The following IL4R variants were observed in gnomAD, a reference collection of about 807,000 sequenced individuals.
The protein encoded by IL4R is interleukin 4 receptor, also known as interleukin-4 receptor subunit alpha.
Under a neutral mutation model 41.5 loss-of-function variants are expected in IL4R, and 17 were observed. That is an observed-to-expected ratio of 0.41 (90% CI 0.28 to 0.61). The LOEUF (loss-of-function observed/expected upper bound fraction) is 0.61, where lower values mean the gene tolerates loss of function less well. IL4R is among the 20% of genes least tolerant of loss of function. The probability of loss-of-function intolerance (pLI) is 0.31; values close to 1 mark genes in which losing one functional copy is unlikely to be tolerated. For missense variants in IL4R, 974 were observed against 1,043.1 expected, an observed-to-expected ratio of 0.93 and a Z score of 0.91; for synonymous variants, 402 against 422.9, an observed-to-expected ratio of 0.95 and a Z score of 0.61.
At chr16:27,323,868 A>C (rs1468813977) in intron 1 of IL4R, among the ~76,000 whole-genome samples, 1 of 152,102 alleles carries the variant, frequency 6.6e-6, no homozygotes, top group Non-Finnish European at 1.5e-5. Flanking sequence ...CATGTTACCC[A>C]GGCTGGTCTT....
chr16:27,314,463 G>A (rs2084571109), intron 1 of IL4R, among the ~76,000 whole-genome samples: 1 of 152,264 alleles, frequency 6.6e-6, no homozygotes, highest in Non-Finnish European at 1.5e-5. Context: ...GTGAATCGGG[G>A]CGGTCTCCGC....
At chr16:27,357,086 CTCT>C (rs1227411290) in intron 8 of IL4R, among the ~76,000 whole-genome samples, 4 of 152,150 alleles carry the variant, frequency 2.6e-5, no homozygotes, top group African/African-American at 9.7e-5. Context: ...AAAGTGCCCA[CTCT>C]TGGCCCAGCA....
chr16:27,314,199 C>A, intron 1 of IL4R, 179 bp downstream of exon 1: 1 of 807,420 alleles, frequency 1.2e-6, no homozygotes. Flanking sequence ...TCCGTCCTTG[C>A]CGCCGAACGG....
rs983348086 is a variant in IL4R at position 27,325,855 on chromosome 16, A to T, written c.-151-4211A>T. Reference sequence around the variant, plus strand: ...CGCCTGCTAACAGCCTCCTCTGCTAATCTGAAGTCCTGCAGCTTGCCCAGC... The same window carrying T: ...CGCCTGCTAACAGCCTCCTCTGCTATTCTGAAGTCCTGCAGCTTGCCCAGC... On this transcript the variant is annotated intron_variant, in intron 1 of 10. Transcript: ENST00000395762. Among the ~76,000 whole-genome samples the T allele has an allele frequency of 2.6e-5, 4 of 152,060 alleles. 1 individual carries two copies. Among genetic ancestry groups the T allele is most frequent in the Admixed American group, 1.3e-4 (2 of 15,254 alleles).
In IL4R at chr16:27,342,352, A is replaced by G. The variant is rs143556714; in HGVS notation, c.209+93A>G. 2.2e-4 allele frequency: 320 copies of G among 1,463,390 alleles called. 1 individual carries two copies. The African/African-American group carries it at 3.9e-3, about 18-fold the overall frequency. 90.7% of individuals were successfully genotyped at this position (1,463,390 alleles called of 1,614,324 possible). ...GGGTCCAGGTGGTGCGCTGGAGTGC[A>G]GGATGCTGAGTATGGTTTGCTGCTG... On this transcript the variant is annotated intron_variant, in intron 4 of 10. Coordinates refer to ENST00000395762, the MANE Select transcript of IL4R (RefSeq NM_000418.4).
intron 7 of IL4R, 108 bp from the exon 8 acceptor site, chr16:27,355,700 T>G: frequency 1.4e-6 from 1 of 710,202 alleles, no homozygotes; most frequent in Non-Finnish European, 2.5e-6. Context: ...GGTCAGATCG[T>G]GGAGGGTCTC....
At chr16:27,343,012 T>C (rs2141136790) in intron 4 of IL4R, among the ~76,000 whole-genome samples, 1 of 152,298 alleles carries the variant, frequency 6.6e-6, no homozygotes, top group East Asian at 1.9e-4. Flanking sequence ...AGACCCTTGA[T>C]TGAGGAGTAC....
intron 1 of IL4R, among the ~76,000 whole-genome samples, chr16:27,316,096 G>A (rs543034397): frequency 7.9e-5 from 12 of 152,312 alleles, no homozygotes; most frequent in Admixed American, 6.5e-4. Context: ...CAAGCTGGGC[G>A]CAGTGACTCA....
intron 1 of IL4R, among the ~76,000 whole-genome samples, chr16:27,322,041 G>T (rs1333754237): frequency 6.6e-6 from 1 of 150,414 alleles, no homozygotes; most frequent in African/African-American, 2.4e-5. Context: ...TAAGGTTCTA[G>T]AAATGTATCT....
At chr16:27,316,424 A>G (rs549791309) in intron 1 of IL4R, among the ~76,000 whole-genome samples, 160 of 152,210 alleles carry the variant, frequency 1.1e-3, no homozygotes, top group African/African-American at 3.7e-3. Context: ...TACCTCCCCC[A>G]TCTCCCTGCC....
At chr16:27,361,609 T>A (rs2086286948) in intron 10 of IL4R, among the ~76,000 whole-genome samples, 1 of 122,904 alleles carries the variant, frequency 8.1e-6, no homozygotes, top group Non-Finnish European at 1.6e-5. Flanking sequence ...GGATCCCGCA[T>A]CTTTTTTTTT....
chr16:27,351,590 C>T (rs1004091356), intron 6 of IL4R, among the ~76,000 whole-genome samples: 7 of 150,904 alleles, frequency 4.6e-5, no homozygotes, highest in Non-Finnish European at 1.0e-4. Flanking sequence ...TCTCAGCTTA[C>T]CACAATCTCT....
intron 2 of IL4R, among the ~76,000 whole-genome samples, chr16:27,336,381 C>T (rs1006969481): frequency 1.3e-5 from 2 of 152,054 alleles, no homozygotes; most frequent in East Asian, 3.9e-4. Flanking sequence ...GAAAAGCACG[C>T]GTAAGGGAGG....
chr16:27,338,832 T>C (rs927632166), intron 2 of IL4R, among the ~76,000 whole-genome samples: 4 of 152,138 alleles, frequency 2.6e-5, no homozygotes, highest in East Asian at 1.9e-4. Context: ...TCCAGAACTA[T>C]GCATTAGAAA....
rs2086410576 is a variant in IL4R, at chr16:27,363,989, C to G, written c.*159C>G. On this transcript the variant is annotated 3_prime_UTR_variant, in exon 11 of 11. Transcript: ENST00000395762. ...TGGCCCCACTGACGTTGGCCTAACA[C>G]TGGGCTGCAGAGACTGGACCCCGCC... 1.2e-6 allele frequency: 1 copy of G among 831,878 alleles called. No individual in the cohort carries two copies. Among genetic ancestry groups the G allele is most frequent in the Non-Finnish European group, 1.9e-6 (1 of 534,034 alleles). The allele number at this position is 831,878 out of a possible 1,614,324, so 51.5% of individuals were successfully genotyped here. A position where few individuals can be genotyped will look rare whatever the true frequency, so the allele number is the denominator to read the frequency against.
At chr16:27,338,426 C>T (rs912187633) in intron 2 of IL4R, among the ~76,000 whole-genome samples, 3 of 151,792 alleles carry the variant, frequency 2.0e-5, no homozygotes, top group Non-Finnish European at 2.9e-5. Context: ...ACTCTGTTGC[C>T]CAGGCTGGTC....
At position 27,363,086 on chromosome 16, in the gene IL4R, T is replaced by C. The variant is rs2086361986; in HGVS notation, c.1734T>C (p.Phe578=). The change falls in exon 11 of 11, where the codon TTT becomes TTC. Residue 578 remains phenylalanine (F), a synonymous_variant. Transcript: ENST00000395762. The stretch of plus-strand genomic sequence containing the variant: ...CCCCCACCAGTGGCTATCAGGAGTT[T>C]GTACATGCGGTGGAGCAGGGTGGCA... ...VSAPTSGYQE[F]VHAVEQGGTQ... 6 of 1,614,090 alleles carry C rather than the reference T, an allele frequency of 3.7e-6. No individual in the cohort carries two copies. The highest frequency in any genetic ancestry group is 5.1e-6 in the Non-Finnish European group (6 of 1,180,038).
intron 3 of IL4R, among the ~76,000 whole-genome samples, chr16:27,341,689 C>T (rs1331178527): frequency 6.6e-6 from 1 of 152,176 alleles, no homozygotes; most frequent in Non-Finnish European, 1.5e-5. Context: ...TATCAGCCTC[C>T]TGAGCACAGA....
intron 6 of IL4R, 72 bp downstream of exon 6, chr16:27,346,690 C>T (rs1596831080): frequency 1.3e-6 from 2 of 1,537,286 alleles, no homozygotes; most frequent in African/African-American, 1.4e-5. Context: ...GAGGCCCAGT[C>T]CCTGGAGCCA....
Sources: allele counts gnomAD v4.1 joint callset (sites outside exome capture counted in the v4.1 genomes callset), GRCh38; gene constraint gnomAD v4.1.1; transcripts MANE v1.5; gene names NCBI Gene and HGNC (gene_info 2026-07-23, HGNC 2026-07-21).